LINGO1: variants seen among roughly 807,000 people sequenced by gnomAD.
LINGO1 encodes the protein leucine rich repeat and Ig domain containing 1.
In LINGO1, 11 loss-of-function variants were observed where a neutral mutation model predicts 37.3. That is an observed-to-expected ratio of 0.29 (90% CI 0.19 to 0.49). LINGO1 has a LOEUF of 0.49. Among genes scored for constraint, LINGO1 ranks in the 20% least tolerant of loss-of-function variants. The pLI is 0.99. For synonymous variants in LINGO1, 387 were observed against 403.0 expected, an observed-to-expected ratio of 0.96 and a Z score of 0.48; for missense variants, 585 against 878.2, an observed-to-expected ratio of 0.67 and a Z score of 4.22.
chr15:77,693,362 T>A (rs2075637609), intron 1 of LINGO1, among the ~76,000 whole-genome samples: 1 of 152,132 alleles, frequency 6.6e-6, no homozygotes, highest in African/African-American at 2.4e-5. Flanking sequence ...GCAATAATGA[T>A]CATAAAACCT....
In LINGO1 at chr15:77,632,169, G is replaced by T; in HGVS notation, c.6+141C>A. 3 of 753,398 alleles carry T rather than the reference G, an allele frequency of 4.0e-6. No individual in the cohort carries two copies. The highest frequency in any genetic ancestry group is 5.4e-6 in the Non-Finnish European group (3 of 550,534). The allele number at this position is 753,398 out of a possible 1,614,324, so 46.7% of individuals were successfully genotyped here. On this transcript the variant is annotated intron_variant, in intron 1 of 1. Transcript: ENST00000355300. The surrounding 1 kb of genome is among the most constrained non-coding windows in gnomAD (Gnocchi z 6.0). ...TTTCTGAGGCTTGAGGGGAAATCAG[G>T]CCTATGACCCCAAAGGAGGTCTGGG...
intron 2 of LINGO1, among the ~76,000 whole-genome samples, chr15:77,794,398 ACG>A (rs2076848121): frequency 1.5e-5 from 1 of 68,774 alleles, no homozygotes; most frequent in African/African-American, 5.7e-5. Context: ...ATACATATAT[ACG>A]TATATATGTG....
chr15:77,642,240 G>A (rs1351550449), intron 3 of LINGO1, among the ~76,000 whole-genome samples: 2 of 152,188 alleles, frequency 1.3e-5, no homozygotes, highest in African/African-American at 4.8e-5. Context: ...GACAGCTGCG[G>A]AGGGGGAAGG....
chr15:77,623,289 A>AG (rs556665302), intron 1 of LINGO1, among the ~76,000 whole-genome samples: 1 of 152,194 alleles, frequency 6.6e-6, no homozygotes, highest in Non-Finnish European at 1.5e-5. Flanking sequence ...AAAGGTGTGC[A>AG]GGGGGGAAGG....
At chr15:77,636,548 C>T (rs1242844737), upstream of LINGO1, among the ~76,000 whole-genome samples, 1 of 151,900 alleles carries the variant, frequency 6.6e-6, no homozygotes, top group African/African-American at 2.4e-5. Context: ...GCTGGGGGGC[C>T]CTGTGGAGCT....
intron 1 of LINGO1, among the ~76,000 whole-genome samples, chr15:77,748,441 C>G (rs1284788961): frequency 6.8e-6 from 1 of 147,666 alleles, no homozygotes; most frequent in Non-Finnish European, 1.5e-5. Context: ...GAGAGAAGAT[C>G]AGGAAGAAGC....
intron 2 of LINGO1, among the ~76,000 whole-genome samples, chr15:77,687,199 G>C (rs1452560331): frequency 6.6e-6 from 1 of 152,042 alleles, no homozygotes; most frequent in East Asian, 1.9e-4. Context: ...TGTAGGACCA[G>C]AATGAAGGTT....
At chr15:77,802,072 G>GA (rs1332132889) in intron 1 of LINGO1, among the ~76,000 whole-genome samples, 11 of 152,108 alleles carry the variant, frequency 7.2e-5, no homozygotes, top group African/African-American at 2.7e-4. Context: ...AGAGAGCGAG[G>GA]AAAAGAGGGA....
chr15:77,625,862 C>T (rs1167811376), intron 1 of LINGO1, among the ~76,000 whole-genome samples: 1 of 152,190 alleles, frequency 6.6e-6, no homozygotes, highest in African/African-American at 2.4e-5. Flanking sequence ...GTGGGGACGG[C>T]AGACTTCACA....
upstream of LINGO1, among the ~76,000 whole-genome samples, chr15:77,699,694 C>T (rs2075751240): frequency 3.9e-5 from 3 of 77,252 alleles, no homozygotes; most frequent in African/African-American, 5.0e-5. Context: ...ACACAGTAAG[C>T]ACATACTAAC....
chr15:77,638,672 C>T (rs1037274154), upstream of LINGO1, among the ~76,000 whole-genome samples: 2 of 152,200 alleles, frequency 1.3e-5, no homozygotes, highest in African/African-American at 2.4e-5. Flanking sequence ...CATAGTGGCT[C>T]GAAAGGTGCC....
At chr15:77,670,774 C>T (rs1011491451) in intron 3 of LINGO1, among the ~76,000 whole-genome samples, 4 of 152,256 alleles carry the variant, frequency 2.6e-5, no homozygotes, top group African/African-American at 9.6e-5. Context: ...CAGGGGCCAG[C>T]TGCTGCTGGG....
chr15:77,615,168 A>T lies in LINGO1; in HGVS notation c.739T>A (p.Ser247Thr). ...ATGGTGTCCAAGTAGGGCCAGTGGG[A>T]GATCTCCAAGACCTTGAGTCGGTAC... ...RLYRLKVLEI[S>T]HWPYLDTMTP... Residue 247 changes from serine to threonine, a missense_variant, in exon 2 of 2, where the codon TCC (serine) becomes ACC (threonine). Around this residue, in one of 4 missense-constraint regions of LINGO1, gnomAD observed 484 missense variants for 735.0 expected, o/e 0.66. Coordinates refer to ENST00000355300, the MANE Select transcript of LINGO1 (RefSeq NM_032808.7). The T allele has an allele frequency of 6.2e-7, 1 of 1,613,832 alleles. No individual in the cohort carries two copies. Among genetic ancestry groups the T allele is most frequent in the Non-Finnish European group, 8.5e-7 (1 of 1,179,824 alleles).
At chr15:77,740,695 G>A (rs765149356) in intron 1 of LINGO1, among the ~76,000 whole-genome samples, 2 of 152,214 alleles carry the variant, frequency 1.3e-5, no homozygotes, top group Middle Eastern at 3.2e-3. Context: ...GGGGCAGGGT[G>A]GGGCTTTGAA....
intron 1 of LINGO1, among the ~76,000 whole-genome samples, chr15:77,624,708 A>C (rs1376589951): frequency 6.6e-6 from 1 of 151,058 alleles, no homozygotes; most frequent in African/African-American, 2.4e-5. Flanking sequence ...AGTGCACCCC[A>C]CCCTGCTGTG....
chr15:77,619,880 G>A (rs945549992), intron 1 of LINGO1, among the ~76,000 whole-genome samples: 4 of 152,344 alleles, frequency 2.6e-5, no homozygotes, highest in Admixed American at 6.5e-5. Context: ...TACGGGCTCT[G>A]AGATGCCTCA....
intron 1 of LINGO1, among the ~76,000 whole-genome samples, chr15:77,737,237 G>A (rs1179598351): frequency 1.3e-5 from 2 of 152,198 alleles, no homozygotes; most frequent in East Asian, 3.8e-4. Flanking sequence ...TGAGCCCTAA[G>A]TTAGAACAGT....
At chr15:77,797,455 G>C (rs1172554052) in intron 1 of LINGO1, among the ~76,000 whole-genome samples, 1 of 152,234 alleles carries the variant, frequency 6.6e-6, no homozygotes, top group Non-Finnish European at 1.5e-5. Flanking sequence ...GTGATTTCCG[G>C]ATGTGTGCTT....
At chr15:77,652,530 G>GTGTGTGTGTGTGT (rs1461851046) in intron 3 of LINGO1, among the ~76,000 whole-genome samples, 1 of 144,772 alleles carries the variant, frequency 6.9e-6, no homozygotes, top group African/African-American at 2.7e-5. Flanking sequence ...GTGTGTGTGT[G>GTGTGTGTGTGTGT]TTGCCAGAAT....
Sources: gnomAD v4.1 joint callset for allele counts (sites outside exome capture counted in the v4.1 genomes callset) on GRCh38, gnomAD v4.1.1 for gene constraint, gnomAD v4.1.1 regional missense constraint, Gnocchi (gnomAD v3.1) non-coding constraint, MANE v1.5 for transcripts, NCBI Gene and HGNC (gene_info 2026-07-23, HGNC 2026-07-21) for gene names.